Variants in ASTN2 observed in about 807,000 individuals in gnomAD.
ASTN2 encodes astrotactin 2, also known as astrotactin-2.
Under a neutral mutation model 139.8 loss-of-function variants are expected in ASTN2, and 54 were observed. The ratio of observed to expected loss-of-function variants is 0.39; its 90% CI spans 0.31 to 0.48. ASTN2 has a LOEUF of 0.48. Ranked by LOEUF, ASTN2 falls within the 20% of genes least tolerant of loss-of-function variation. ASTN2 has a pLI of 0.95. For synonymous variants in ASTN2, 756 were observed against 719.5 expected, an observed-to-expected ratio of 1.05 and a Z score of -0.81; for missense variants, 1,565 against 1,725.1, an observed-to-expected ratio of 0.91 and a Z score of 1.64.
chr9:116,614,923 A>T (rs1250602745), intron 19 of ASTN2, among the ~76,000 whole-genome samples: 1 of 152,242 alleles, frequency 6.6e-6, no homozygotes, highest in African/African-American at 2.4e-5. Context: ...AACTACCAGC[A>T]GAGTGAACAG....
chr9:116,867,032 G>C (rs1220138639), intron 10 of ASTN2, among the ~76,000 whole-genome samples: 1 of 152,028 alleles, frequency 6.6e-6, no homozygotes, highest in Non-Finnish European at 1.5e-5. Flanking sequence ...ACAGATAAAG[G>C]GATCTAAAAG....
intron 13 of ASTN2, among the ~76,000 whole-genome samples, chr9:116,756,655 T>C (rs746768937): frequency 7.9e-5 from 12 of 152,020 alleles, no homozygotes; most frequent in Non-Finnish European, 1.5e-4. Context: ...TCCCTTCCAC[T>C]AGTCAGCCTT....
intron 4 of ASTN2, among the ~76,000 whole-genome samples, chr9:117,101,391 G>A (rs568270850): frequency 2.0e-5 from 3 of 152,274 alleles, no homozygotes; most frequent in Middle Eastern, 3.4e-3. Context: ...GGCTGCTCCC[G>A]TACTTCCATT....
At chr9:116,935,788 A>G (rs1835050407) in intron 10 of ASTN2, among the ~76,000 whole-genome samples, 1 of 152,194 alleles carries the variant, frequency 6.6e-6, no homozygotes. Flanking sequence ...TTTGAGCATT[A>G]ACTAGTTCAT....
intron 5 of ASTN2, among the ~76,000 whole-genome samples, chr9:117,052,156 A>G (rs1276298908): frequency 6.6e-6 from 1 of 152,132 alleles, no homozygotes; most frequent in African/African-American, 2.4e-5. Flanking sequence ...AAGATTAAAT[A>G]GTGGCTGGGC....
chr9:117,280,244 G>A (rs576132980), intron 2 of ASTN2, among the ~76,000 whole-genome samples: 81 of 152,158 alleles, frequency 5.3e-4, no homozygotes, highest in Non-Finnish European at 8.4e-4. Context: ...TACTTCAGTG[G>A]ATTCATAACG....
At chr9:116,993,853 G>GAGATAT (rs377418549) in intron 7 of ASTN2, among the ~76,000 whole-genome samples, 1 of 132,046 alleles carries the variant, frequency 7.6e-6, no homozygotes, top group Non-Finnish European at 1.6e-5. Flanking sequence ...GTATGTACAT[G>GAGATAT]ATATATATAT....
intron 2 of ASTN2, among the ~76,000 whole-genome samples, chr9:117,277,841 C>A (rs556536741): frequency 5.3e-5 from 8 of 152,288 alleles, no homozygotes; most frequent in Admixed American, 3.9e-4. Flanking sequence ...TGCACATAAA[C>A]TTCCCTGCAT....
chr9:117,097,447 G>C, intron 4 of ASTN2, among the ~76,000 whole-genome samples: 1 of 152,164 alleles, frequency 6.6e-6, no homozygotes, highest in East Asian at 1.9e-4. Flanking sequence ...AACCAGGAGA[G>C]AGAGCCTCTG....
In ASTN2 at chr9:116,472,506, C is replaced by T. The variant is rs111609491; in HGVS notation, c.3497+14853G>A. Reference sequence around the variant, plus strand: ...TCCCTAACACTGGGCAAAGCTCTTTCAGTCTCAGCCATAAGACTTTGAATT... The same window carrying T: ...TCCCTAACACTGGGCAAAGCTCTTTTAGTCTCAGCCATAAGACTTTGAATT... On this transcript the variant is annotated intron_variant, in intron 20 of 22. Transcript: ENST00000313400. 1.1e-4 allele frequency among the ~76,000 whole-genome samples: 17 copies of T among 152,278 alleles called. 1 individual carries two copies. Among genetic ancestry groups the T allele is most frequent in the African/African-American group, 4.1e-4 (17 of 41,566 alleles).
Position 116,698,728 on chromosome 9 carries a change from C to T in ASTN2, c.2806+27043G>A, listed in dbSNP as rs377510422. ...ACTTTTAGAGAGATGGACATGAGCC[C>T]GGAGGAAGTGGTTGCCAGCCCTAGG... On this transcript the variant is annotated intron_variant, in intron 16 of 22. Coordinates refer to ENST00000313400, the MANE Select transcript of ASTN2 (RefSeq NM_001365068.1). This position sits in a 1 kb window ranked among gnomAD's most constrained non-coding sequence, Gnocchi z 4.4. 49 of 1,613,994 alleles carry T rather than the reference C, an allele frequency of 3.0e-5. No individual in the cohort carries two copies. Among genetic ancestry groups the T allele is most frequent in the Admixed American group, 1.2e-4 (7 of 60,002 alleles).
At chr9:116,588,918 C>G (rs566129942) in intron 19 of ASTN2, among the ~76,000 whole-genome samples, 1 of 152,246 alleles carries the variant, frequency 6.6e-6, no homozygotes, top group South Asian at 2.1e-4. Flanking sequence ...CAGACATGAA[C>G]TGATCCAAAA....
intron 7 of ASTN2, among the ~76,000 whole-genome samples, chr9:116,986,421 G>A (rs141033688): frequency 8.5e-5 from 13 of 152,276 alleles, no homozygotes; most frequent in Middle Eastern, 6.8e-3. Context: ...TGGCATTAGC[G>A]TAGGAAGACT....
intron 6 of ASTN2, among the ~76,000 whole-genome samples, chr9:117,008,534 T>C (rs1056125723): frequency 2.6e-5 from 4 of 152,154 alleles, no homozygotes; most frequent in East Asian, 1.9e-4. Flanking sequence ...TTACTAGGCA[T>C]TGACTTTGGG....
At chr9:116,975,374 C>G in intron 9 of ASTN2, 29 bp from the exon 10 acceptor site, 3 of 1,568,440 alleles carry the variant, frequency 1.9e-6, no homozygotes, top group Non-Finnish European at 2.6e-6. Context: ...CATTGGGGAA[C>G]TCCCTGGGAA....
At chr9:116,765,794 T>G (rs1225812592) in intron 13 of ASTN2, among the ~76,000 whole-genome samples, 2 of 152,166 alleles carry the variant, frequency 1.3e-5, no homozygotes, top group East Asian at 3.9e-4. Flanking sequence ...GTATATAACA[T>G]GTGACTGAAA....
intron 3 of ASTN2, among the ~76,000 whole-genome samples, chr9:117,208,715 AAAAT>A (rs1832020001): frequency 6.6e-6 from 1 of 152,188 alleles, no homozygotes; most frequent in African/African-American, 2.4e-5. Flanking sequence ...AATGACAAAA[AAAAT>A]AAATAAACAA....
intron 13 of ASTN2, among the ~76,000 whole-genome samples, chr9:116,780,438 A>C (rs1296008082): frequency 6.6e-6 from 1 of 152,234 alleles, no homozygotes; most frequent in Middle Eastern, 3.2e-3. Flanking sequence ...ATTCACCGTA[A>C]TATAATCAGC....
chr9:116,426,038 G>A lies in ASTN2; in HGVS notation c.3833C>T (p.Ser1278Phe), dbSNP rs762019660. 6 of 1,613,842 alleles carry A rather than the reference G, an allele frequency of 3.7e-6. No homozygotes were observed. The highest frequency in any genetic ancestry group is 3.3e-5 in the Admixed American group (2 of 60,006). Residue 1278 changes from serine (S) to phenylalanine (F), a missense_variant, in exon 23 of 23, where the codon TCC (serine) becomes TTC (phenylalanine). By Grantham distance (155) the Ser-to-Phe change is radical. Coordinates refer to ENST00000313400, the MANE Select transcript of ASTN2 (RefSeq NM_001365068.1). Reference protein sequence around the residue: ...RRLERVSSHCSSLLRSAYIQS... With the variant: ...RRLERVSSHCFSLLRSAYIQS... ...GATGTAGGCACTCCGCAGGAGGCTG[G>A]AGCAGTGGCTACTCACCCTCTCCAG...
Sources: allele counts gnomAD v4.1 joint callset (sites outside exome capture counted in the v4.1 genomes callset), GRCh38; gene constraint gnomAD v4.1.1; non-coding constraint Gnocchi (gnomAD v3.1); transcripts MANE v1.5; gene names NCBI Gene and HGNC (gene_info 2026-07-23, HGNC 2026-07-21).